ADAMTS6: variants seen among roughly 807,000 people sequenced by gnomAD.
ADAMTS6 encodes the protein A disintegrin and metalloproteinase with thrombospondin motifs 6.
A neutral mutation model predicts 144.3 loss-of-function variants in ADAMTS6; 23 were observed. The observed-to-expected ratio is 0.16, with a 90% confidence interval of 0.11 to 0.23. ADAMTS6 has a LOEUF of 0.23. ADAMTS6 is among the 10% of genes least tolerant of loss of function. ADAMTS6 has a pLI of 1.00. For missense variants in ADAMTS6, 999 were observed against 1,379.6 expected (o/e 0.72, Z 4.37); for synonymous variants, 444 against 457.5 (o/e 0.97, Z 0.38).
At chr5:65,432,566 A>T (rs1206494584) in intron 7 of ADAMTS6, among the ~76,000 whole-genome samples, 2 of 152,022 alleles carry the variant, frequency 1.3e-5, no homozygotes, top group Non-Finnish European at 2.9e-5. Context: ...CCCTGCCAGG[A>T]ACATTTTTCG....
At chr5:65,438,479 A>G (rs967100241) in intron 7 of ADAMTS6, among the ~76,000 whole-genome samples, 7 of 152,188 alleles carry the variant, frequency 4.6e-5, no homozygotes, top group Non-Finnish European at 7.3e-5. Context: ...GTGAGCCAAG[A>G]TCACGCCACT....
intron 11 of ADAMTS6, 43 bp from the exon 12 acceptor site, chr5:65,273,490 T>C (rs1352232213): frequency 2.7e-6 from 4 of 1,476,734 alleles, no homozygotes; most frequent in East Asian, 2.3e-5. Flanking sequence ...AATAGAGTCA[T>C]GTCCAATTCT....
chr5:65,359,610 G>A (rs1007294266), intron 7 of ADAMTS6, among the ~76,000 whole-genome samples: 1 of 152,092 alleles, frequency 6.6e-6, no homozygotes, highest in African/African-American at 2.4e-5. Context: ...TATGAAATCA[G>A]CCTAATTGTC....
At chr5:65,201,907 A>G (rs2112253045) in intron 20 of ADAMTS6, among the ~76,000 whole-genome samples, 1 of 152,298 alleles carries the variant, frequency 6.6e-6, no homozygotes, top group East Asian at 1.9e-4. Context: ...ATGGCCAGCA[A>G]TATTAATTTA....
chr5:65,275,387 G>GAAAGAAAGAAAGAAAGAAAGA (rs1762415195), intron 11 of ADAMTS6, among the ~76,000 whole-genome samples: 1 of 132,760 alleles, frequency 7.5e-6, no homozygotes, highest in Non-Finnish European at 1.6e-5. Flanking sequence ...AAGAAAGAAA[G>GAAAGAAAGAAAGAAAGAAAGA]AAAGAAAGAA....
chr5:65,318,074 C>CAAAAA (rs78876970), intron 9 of ADAMTS6, among the ~76,000 whole-genome samples: 2 of 63,002 alleles, frequency 3.2e-5, no homozygotes, highest in African/African-American at 5.1e-5. Flanking sequence ...GACTCCATCT[C>CAAAAA]AAAAAAAAAA....
At chr5:65,226,736 C>G (rs558692771) in intron 15 of ADAMTS6, among the ~76,000 whole-genome samples, 21 of 152,182 alleles carry the variant, frequency 1.4e-4, no homozygotes, top group Non-Finnish European at 2.4e-4. Context: ...GCACCTGCCA[C>G]TATGCCCATC....
At chr5:65,266,476 A>G (rs1346999104) in intron 12 of ADAMTS6, among the ~76,000 whole-genome samples, 3 of 151,942 alleles carry the variant, frequency 2.0e-5, no homozygotes, top group African/African-American at 7.2e-5. Context: ...AGCAGTTGAC[A>G]AGAGTGTAGT....
chr5:65,348,626 A>T (rs1311807816), intron 7 of ADAMTS6, among the ~76,000 whole-genome samples: 1 of 152,156 alleles, frequency 6.6e-6, no homozygotes, highest in African/African-American at 2.4e-5. Context: ...ATATTTAAAA[A>T]TTACTAAGGA....
rs1328646880 is a variant in ADAMTS6 at position 65,166,987 on chromosome 5, G to A, written c.3244+3630C>T. ...AATTAAAAGAACTAGAAAAGCAAGA[G>A]CAAACACATTCAAAAGCTAGCAGAA... On this transcript the variant is annotated intron_variant, in intron 24 of 24. Transcript: ENST00000381055. 9.6e-5 allele frequency among the ~76,000 whole-genome samples: 14 copies of A among 145,658 alleles called. No homozygotes were observed. In the East Asian group the frequency reaches 2.8e-3, roughly 30 times the overall value.
chr5:65,446,147 A>T (rs533520797), intron 7 of ADAMTS6, among the ~76,000 whole-genome samples: 4 of 152,238 alleles, frequency 2.6e-5, no homozygotes, highest in South Asian at 2.1e-4. Flanking sequence ...GATTTTTAAA[A>T]ATCCATAAAT....
chr5:65,394,656 T>C (rs1247318140), intron 7 of ADAMTS6, among the ~76,000 whole-genome samples: 1 of 152,184 alleles, frequency 6.6e-6, no homozygotes, highest in Non-Finnish European at 1.5e-5. Context: ...TCCACAGGGC[T>C]CTCAGTTTTC....
At chr5:65,345,574 T>G (rs1748240555) in intron 7 of ADAMTS6, among the ~76,000 whole-genome samples, 1 of 151,758 alleles carries the variant, frequency 6.6e-6, no homozygotes, top group South Asian at 2.1e-4. Flanking sequence ...CACATAAGAC[T>G]GACATAATCT....
chr5:65,254,064 C>T (rs892746731), intron 14 of ADAMTS6, among the ~76,000 whole-genome samples: 1 of 151,748 alleles, frequency 6.6e-6, no homozygotes, highest in Non-Finnish European at 1.5e-5. Context: ...AGGCTGGTCT[C>T]GAACTCCTGA....
chr5:65,415,928 C>T, intron 7 of ADAMTS6: 1 of 181,164 alleles, frequency 5.5e-6, no homozygotes, highest in Non-Finnish European at 1.2e-5. Flanking sequence ...GTGACCTCAT[C>T]CCTGTGCCCA....
chr5:65,223,719 C>T (rs7716827), intron 18 of ADAMTS6, among the ~76,000 whole-genome samples: 91,298 of 151,784 alleles, frequency 0.6, 28,914 homozygotes, highest in African/African-American at 0.82. Flanking sequence ...TGTTGACAGA[C>T]GTTTATGTTG....
chr5:65,409,804 C>G (rs1313276764), intron 7 of ADAMTS6, among the ~76,000 whole-genome samples: 2 of 152,302 alleles, frequency 1.3e-5, no homozygotes, highest in South Asian at 4.1e-4. Context: ...TCACCATGAT[C>G]AAGTGGGCTT....
intron 11 of ADAMTS6, among the ~76,000 whole-genome samples, chr5:65,278,850 C>G (rs1221946425): frequency 6.6e-6 from 1 of 151,972 alleles, no homozygotes; most frequent in Non-Finnish European, 1.5e-5. Flanking sequence ...CTTACCTTAG[C>G]ATTTGAAGGT....
chr5:65,233,620 A>G (rs572411544), intron 15 of ADAMTS6, among the ~76,000 whole-genome samples: 1 of 151,300 alleles, frequency 6.6e-6, no homozygotes, highest in East Asian at 1.9e-4. Flanking sequence ...ACTGATGAAA[A>G]AAATTGAAGA....
Sources: gnomAD v4.1 joint callset for allele counts (sites outside exome capture counted in the v4.1 genomes callset) on GRCh38, gnomAD v4.1.1 for gene constraint, MANE v1.5 for transcripts, NCBI Gene and HGNC (gene_info 2026-07-23, HGNC 2026-07-21) for gene names.